B3GNT4: variants seen among roughly 807,000 people sequenced by gnomAD.
B3GNT4 encodes the protein UDP-GlcNAc:betaGal beta-1,3-N-acetylglucosaminyltransferase 4.
In B3GNT4, 2 loss-of-function variants were observed where a neutral mutation model predicts 2.7. The ratio of observed to expected loss-of-function variants is 0.73; its 90% CI spans 0.30 to 2.31. B3GNT4 has a LOEUF of 2.31. Ranked by LOEUF, B3GNT4 falls within the 30% of genes most tolerant of loss-of-function variation. The probability of loss-of-function intolerance (pLI) is 0.12; values close to 1 mark genes in which losing one functional copy is unlikely to be tolerated. For synonymous variants in B3GNT4, 280 were observed against 203.4 expected, an observed-to-expected ratio of 1.38 and a Z score of -3.20; for missense variants, 708 against 490.9, an observed-to-expected ratio of 1.44 and a Z score of -4.18.
chr12:122,207,500 C>A lies in B3GNT4; in HGVS notation c.*112C>A. 2.0e-6 allele frequency: 2 copies of A among 990,336 alleles called. No homozygotes were observed. The highest frequency in any genetic ancestry group is 2.9e-6 in the Non-Finnish European group (2 of 692,702). 61.3% of individuals were successfully genotyped at this position (990,336 alleles called of 1,614,324 possible). ...ATGCCAACTTGGTTTTTTAACTCCT[C>A]TCACCCTGTTAGCTCTGATTAAAAA... On this transcript the variant is annotated 3_prime_UTR_variant, in exon 3 of 3. Coordinates refer to ENST00000324189, the MANE Select transcript of B3GNT4 (RefSeq NM_030765.4).
rs1953955782 is a variant in B3GNT4 at position 122,207,698 on chromosome 12, G to GCAAA, written c.*315_*318dup. 1 of 575,648 alleles carries GCAAA rather than the reference G, an allele frequency of 1.7e-6. No homozygotes were observed. Among genetic ancestry groups the GCAAA allele is most frequent in the Non-Finnish European group, 3.3e-6 (1 of 305,858 alleles). 35.7% of individuals were successfully genotyped at this position (575,648 alleles called of 1,614,324 possible). ...GAGAGACGCATTTTCTCTTTCAGAT[G>GCAAA]CAAACAAAATCTTACACTCTTCTCC... On this transcript the variant is annotated 3_prime_UTR_variant, in exon 3 of 3. Transcript: ENST00000324189.
At position 122,207,575 on chromosome 12, in the gene B3GNT4, T is replaced by C. The variant is rs868527603; in HGVS notation, c.*187T>C. 3.0e-6 allele frequency: 2 copies of C among 670,878 alleles called. No homozygotes were observed. The highest frequency in any genetic ancestry group is 2.7e-5 in the East Asian group (1 of 36,844). 41.6% of individuals were successfully genotyped at this position (670,878 alleles called of 1,614,324 possible). ...AGCATATGTTGAATGGGAGCCAAAG[T>C]GTAGCAAATGCTGCCAGGAACCTGT... On this transcript the variant is annotated 3_prime_UTR_variant, in exon 3 of 3. Coordinates refer to ENST00000324189, the MANE Select transcript of B3GNT4 (RefSeq NM_030765.4).
Position 122,207,242 on chromosome 12 carries a change from C to T in B3GNT4, c.991C>T (p.Arg331Trp), listed in dbSNP as rs576126195. Residue 331 changes from arginine (R) to tryptophan (W), a missense_variant, in exon 3 of 3, where the codon CGG (arginine) becomes TGG (tryptophan). Coordinates refer to ENST00000324189, the MANE Select transcript of B3GNT4 (RefSeq NM_030765.4). ...TGCTGGCTTCAAGACATTTGGAATC[C>T]GGCGGCCCCTGGACCCCTTAGACCC... is the stretch of plus-strand genomic sequence containing the variant. ...HHAGFKTFGI[R>W]RPLDPLDPCL... is the part of the protein sequence containing the mutation. The T allele has an allele frequency of 1.3e-5, 21 of 1,614,128 alleles. No homozygotes were observed. The highest frequency in any genetic ancestry group is 1.6e-4 in the Middle Eastern group (1 of 6,062).
Position 122,208,222 on chromosome 12 carries a change from G to T in B3GNT4, c.*834G>T. ...GGTCCAGCGCAAGCCTGAGACCACA[G>T]GAGGCACTCACAGCTCACAAAGGCG... On this transcript the variant is annotated 3_prime_UTR_variant, in exon 3 of 3. Transcript: ENST00000324189. 1.2e-6 allele frequency: 1 copy of T among 826,230 alleles called. No individual in the cohort carries two copies. Among genetic ancestry groups the T allele is most frequent in the Non-Finnish European group, 2.0e-6 (1 of 499,922 alleles). 51.2% of individuals were successfully genotyped at this position (826,230 alleles called of 1,614,324 possible).
Position 122,207,285 on chromosome 12 carries a change from T to A in B3GNT4, c.1034T>A (p.Leu345His). The A allele has an allele frequency of 6.2e-7, 1 of 1,613,904 alleles. No homozygotes were observed. Among genetic ancestry groups the A allele is most frequent in the Admixed American group, 1.7e-5 (1 of 59,992 alleles). The change falls in exon 3 of 3, where the codon CTC becomes CAC. Residue 345 changes from leucine (L) to histidine (H), a missense_variant. By Grantham distance (99) the Leu-to-His change is moderately conservative. Transcript: ENST00000324189. Reference sequence around the variant, plus strand: ...TTAGACCCCTGCCTGTATAGGGGGCTCCTGCTGGTTCACCGCCTCAGCCCC... The same window carrying A: ...TTAGACCCCTGCCTGTATAGGGGGCACCTGCTGGTTCACCGCCTCAGCCCC... Reference protein sequence around the residue: ...DPLDPCLYRGLLLVHRLSPLE... With the variant: ...DPLDPCLYRGHLLVHRLSPLE...
rs1327843861 is a variant in B3GNT4, at chr12:122,206,914, CTT to C, written c.665_666del (p.Phe222CysfsTer35). Reference sequence around the variant, plus strand: ...TCATGCTAAAGGGAGATGACGATGTCTTTGTCCACGTCCCCAACGTGTTAGAG... The same window carrying C: ...TCATGCTAAAGGGAGATGACGATGTCTGTCCACGTCCCCAACGTGTTAGAG... Reference protein sequence around the residue: ...HFMLKGDDDVFVHVPNVLEFL... With the variant: ...HFMLKGDDDVXVHVPNVLEFL... On this transcript the variant is annotated frameshift_variant, in exon 3 of 3. Transcript: ENST00000324189. LOFTEE classifies it low-confidence loss of function (END_TRUNC). 8.7e-6 allele frequency: 14 copies of C among 1,614,064 alleles called. No individual in the cohort carries two copies. Among genetic ancestry groups the C allele is most frequent in the African/African-American group, 1.3e-5 (1 of 75,056 alleles).
chr12:122,204,684 G>A lies in B3GNT4; in HGVS notation c.66G>A (p.Lys22=). The A allele has an allele frequency of 6.2e-7, 1 of 1,608,782 alleles. No individual in the cohort carries two copies. Among genetic ancestry groups the A allele is most frequent in the Non-Finnish European group, 8.5e-7 (1 of 1,175,480 alleles). Residue 22 remains lysine (K), a splice_region_variant and synonymous_variant, in exon 2 of 3, where the codon AAG becomes AAA. Coordinates refer to ENST00000324189, the MANE Select transcript of B3GNT4 (RefSeq NM_030765.4). ...GCGGTAGGAGTGGCCTTTTACCAAA[G>A]GTCAGATTCTTTCACCGCCTCTGCC... ...GRGGRSGLLP[K]GPAMLCRLCW... is the part of the protein sequence containing the mutation.
In B3GNT4 at chr12:122,206,380, C is replaced by T. The variant is rs367908169; in HGVS notation, c.129C>T (p.Leu43=). 4.2e-5 allele frequency: 68 copies of T among 1,610,710 alleles called. No homozygotes were observed. The highest frequency in any genetic ancestry group is 1.7e-4 in the South Asian group (15 of 90,736). ...CGTACAGCTTGGCTGTGCTGTTGCTCGGCTGCCTGCTCTTCCTGAGGAAGG... is the reference window on the plus strand; with the variant it reads ...CGTACAGCTTGGCTGTGCTGTTGCTTGGCTGCCTGCTCTTCCTGAGGAAGG... ...LVSYSLAVLL[L]GCLLFLRKAA... Residue 43 remains leucine, a synonymous_variant, in exon 3 of 3, where the codon CTC becomes CTT. Transcript: ENST00000324189.
chr12:122,206,174 T>C, intron 2 of B3GNT4, 144 bp from the exon 3 acceptor site: 1 of 649,856 alleles, frequency 1.5e-6, no homozygotes, highest in Non-Finnish European at 2.5e-6. Context: ...GGGAGGACTC[T>C]GGAAAGAGCC....
Position 122,206,911 on chromosome 12 carries a change from TG to T in B3GNT4, c.661del (p.Val221SerfsTer9). 6.2e-7 allele frequency: 1 copy of T among 1,614,054 alleles called. No individual in the cohort carries two copies. The highest frequency in any genetic ancestry group is 8.5e-7 in the Non-Finnish European group (1 of 1,179,992). ...AHFMLKGDDD[V>X]FVHVPNVLEF... ...ATTTCATGCTAAAGGGAGATGACGA[TG>T]TCTTTGTCCACGTCCCCAACGTGTT... On this transcript the variant is annotated frameshift_variant, in exon 3 of 3. Coordinates refer to ENST00000324189, the MANE Select transcript of B3GNT4 (RefSeq NM_030765.4). LOFTEE classifies it low-confidence loss of function (END_TRUNC).
intron 2 of B3GNT4, 77 bp from the exon 3 acceptor site, chr12:122,206,239 GGT>G: frequency 8.6e-7 from 1 of 1,168,410 alleles, no homozygotes. Context: ...TAGCGGCTGG[GGT>G]GCAGGTTAAC....
At position 122,204,669 on chromosome 12, in the gene B3GNT4, T is replaced by C. The variant is rs1593158842; in HGVS notation, c.51T>C (p.Ser17=). The change falls in exon 2 of 3, where the codon AGT becomes AGC. Residue 17 remains serine, a synonymous_variant. Transcript: ENST00000324189. ...CCCACCAGGGAAGGGGCGGTAGGAG[T>C]GGCCTTTTACCAAAGGTCAGATTCT... The part of the protein sequence containing the change: ...SAAHQGRGGR[S]GLLPKGPAML... The C allele has an allele frequency of 1.2e-6, 2 of 1,611,212 alleles. No individual in the cohort carries two copies. The highest frequency in any genetic ancestry group is 1.7e-6 in the Non-Finnish European group (2 of 1,177,596).
In B3GNT4 at chr12:122,207,718, T is replaced by C; in HGVS notation, c.*330T>C. The C allele has an allele frequency of 3.8e-6, 2 of 532,834 alleles. No individual in the cohort carries two copies. Among genetic ancestry groups the C allele is most frequent in the South Asian group, 3.1e-5 (2 of 65,164 alleles). 33.0% of individuals were successfully genotyped at this position (532,834 alleles called of 1,614,324 possible). A position where few individuals can be genotyped will look rare whatever the true frequency, so the allele number is the denominator to read the frequency against. On this transcript the variant is annotated 3_prime_UTR_variant, in exon 3 of 3. Coordinates refer to ENST00000324189, the MANE Select transcript of B3GNT4 (RefSeq NM_030765.4). ...CAGATGCAAACAAAATCTTACACTCTTCTCCTTTGGATACAATAGAGAAAC... is the reference window on the plus strand; with the variant it reads ...CAGATGCAAACAAAATCTTACACTCCTCTCCTTTGGATACAATAGAGAAAC...
chr12:122,207,414 A>T lies in B3GNT4; in HGVS notation c.*26A>T, dbSNP rs11061130. On this transcript the variant is annotated 3_prime_UTR_variant, in exon 3 of 3. Coordinates refer to ENST00000324189, the MANE Select transcript of B3GNT4 (RefSeq NM_030765.4). ...AGGGTGGGTTGGGCAACAGCCTGAG[A>T]GTGGACTCAGTGTTGATTCTCTATC... is the stretch of plus-strand genomic sequence containing the variant. 6.6e-6 allele frequency: 10 copies of T among 1,507,922 alleles called. No homozygotes were observed. Among genetic ancestry groups the T allele is most frequent in the Middle Eastern group, 1.8e-4 (1 of 5,640 alleles). 93.4% of individuals were successfully genotyped at this position (1,507,922 alleles called of 1,614,324 possible). A position where few individuals can be genotyped will look rare whatever the true frequency, so the allele number is the denominator to read the frequency against.
intron 1 of B3GNT4, 24 bp from the exon 2 acceptor site, chr12:122,204,494 GCCGC>G: frequency 1.2e-6 from 1 of 827,084 alleles, no homozygotes; most frequent in East Asian, 2.7e-5. Context: ...GAATGGCACC[GCCGC>G]CCGCCCGGGC....
Position 122,206,587 on chromosome 12 carries a change from A to G in B3GNT4, c.336A>G (p.Ser112=), listed in dbSNP as rs1953921098. 6.2e-7 allele frequency: 1 copy of G among 1,614,062 alleles called. No individual in the cohort carries two copies. The highest frequency in any genetic ancestry group is 8.5e-7 in the Non-Finnish European group (1 of 1,180,046). ...ATTTCTCTATCTTGCTGGAGCCTTC[A>G]GGCTGTTCCAAGGATACCTTCTTGC... is the stretch of plus-strand genomic sequence containing the variant. The part of the protein sequence containing the change: ...CRNFSILLEP[S]GCSKDTFLLL... The change falls in exon 3 of 3, where the codon TCA becomes TCG. Residue 112 remains serine (S), a synonymous_variant. Coordinates refer to ENST00000324189, the MANE Select transcript of B3GNT4 (RefSeq NM_030765.4).
In B3GNT4 at chr12:122,207,063, A is replaced by C. The variant is rs148329384; in HGVS notation, c.812A>C (p.His271Pro). Reference sequence around the variant, plus strand: ...CCACCCTCAATGTACAGGGCCACCCACTACCCACCCTATGCTGGTGGGGGA... The same window carrying C: ...CCACCCTCAATGTACAGGGCCACCCCCTACCCACCCTATGCTGGTGGGGGA... ...FIPPSMYRATHYPPYAGGGGY... is the reference protein window; with the variant it reads ...FIPPSMYRATPYPPYAGGGGY... The change falls in exon 3 of 3, where the codon CAC (histidine) becomes CCC (proline). Residue 271 changes from histidine (H) to proline (P), a missense_variant. Physicochemically the swap from His to Pro is moderately conservative, Grantham distance 77. Coordinates refer to ENST00000324189, the MANE Select transcript of B3GNT4 (RefSeq NM_030765.4). 6.2e-7 allele frequency: 1 copy of C among 1,613,802 alleles called. No homozygotes were observed. The highest frequency in any genetic ancestry group is 8.5e-7 in the Non-Finnish European group (1 of 1,179,914).
Position 122,206,928 on chromosome 12 carries a change from C to T in B3GNT4, c.677C>T (p.Pro226Leu). 1 of 1,614,102 alleles carries T rather than the reference C, an allele frequency of 6.2e-7. No individual in the cohort carries two copies. The highest frequency in any genetic ancestry group is 1.6e-4 in the Middle Eastern group (1 of 6,062). ...KGDDDVFVHV[P>L]NVLEFLDGWD... is the part of the protein sequence containing the mutation. ...GATGACGATGTCTTTGTCCACGTCC[C>T]CAACGTGTTAGAGTTCCTGGATGGC... Residue 226 changes from proline (P) to leucine (L), a missense_variant, in exon 3 of 3, where the codon CCC (proline) becomes CTC (leucine). Physicochemically the swap from Pro to Leu is moderately conservative, Grantham distance 98. Transcript: ENST00000324189.
At position 122,206,359 on chromosome 12, in the gene B3GNT4, C is replaced by T; in HGVS notation, c.108C>T (p.Tyr36=). The T allele has an allele frequency of 1.2e-6, 2 of 1,603,630 alleles. No individual in the cohort carries two copies. Among genetic ancestry groups the T allele is most frequent in the Non-Finnish European group, 1.7e-6 (2 of 1,175,660 alleles). ...GCAGGCTGTGCTGGCTGGTCTCGTA[C>T]AGCTTGGCTGTGCTGTTGCTCGGCT... The part of the protein sequence containing the change: ...MLCRLCWLVS[Y]SLAVLLLGCL... The change falls in exon 3 of 3, where the codon TAC becomes TAT. Residue 36 remains tyrosine, a synonymous_variant. Transcript: ENST00000324189.
Sources: allele counts gnomAD v4.1 joint callset, GRCh38; gene constraint gnomAD v4.1.1; transcripts MANE v1.5; gene names NCBI Gene and HGNC (gene_info 2026-07-23, HGNC 2026-07-21).